Variants in EXT1 observed in about 807,000 individuals in gnomAD.
EXT1 encodes exostosin-1.
EXT1 carries 20 observed loss-of-function variants against 82.5 expected under a neutral mutation model. The observed-to-expected ratio is 0.24, with a 90% CI of 0.17 to 0.35. The LOEUF (loss-of-function observed/expected upper bound fraction) is 0.35. EXT1 is among the 10% of genes least tolerant of loss of function. EXT1 has a pLI of 1.00. For missense variants in EXT1, 757 were observed against 936.5 expected (o/e 0.81, Z 2.50); for synonymous variants, 348 against 350.8 (o/e 0.99, Z 0.09).
At chr8:117,996,155 C>G (rs920012461) in intron 1 of EXT1, among the ~76,000 whole-genome samples, 5 of 152,116 alleles carry the variant, frequency 3.3e-5, no homozygotes, top group African/African-American at 1.2e-4. Flanking sequence ...GACGCTCGCC[C>G]TTGGAACCCA....
At chr8:117,934,351 A>G (rs1814118631) in intron 1 of EXT1, among the ~76,000 whole-genome samples, 2 of 152,172 alleles carry the variant, frequency 1.3e-5, no homozygotes. Flanking sequence ...CTGGCTTTAT[A>G]AGAGAAGGGG....
In EXT1 at chr8:118,111,234, T is replaced by C; in HGVS notation, c.-188A>G. ...AGCGCATGTGGGCGATTTCTTTAAC[T>C]TTCTCCCCTTCGGTCTTTCATCTTT... On this transcript the variant is annotated 5_prime_UTR_variant, in exon 1 of 11. Coordinates refer to ENST00000378204, the MANE Select transcript of EXT1 (RefSeq NM_000127.3). The C allele has an allele frequency of 1.2e-6, 1 of 814,510 alleles. No homozygotes were observed. Among genetic ancestry groups the C allele is most frequent in the Non-Finnish European group, 2.0e-6 (1 of 506,766 alleles). The allele number at this position is 814,510 out of a possible 1,614,324, so 50.5% of individuals were successfully genotyped here. A position where few individuals can be genotyped will look rare whatever the true frequency, so the allele number is the denominator to read the frequency against.
intron 1 of EXT1, among the ~76,000 whole-genome samples, chr8:117,953,353 G>A (rs1300757216): frequency 6.6e-6 from 1 of 152,038 alleles, no homozygotes; most frequent in Non-Finnish European, 1.5e-5. Context: ...ACATCCTAAA[G>A]GCTGGGACCC....
chr8:117,801,651 G>A (rs1395768064), intron 10 of EXT1, among the ~76,000 whole-genome samples: 2 of 152,116 alleles, frequency 1.3e-5, no homozygotes, highest in African/African-American at 2.4e-5. Flanking sequence ...GATTACAGGT[G>A]CACACCACCA....
intron 1 of EXT1, among the ~76,000 whole-genome samples, chr8:117,917,527 T>C (rs1464170785): frequency 6.6e-6 from 1 of 152,186 alleles, no homozygotes; most frequent in Non-Finnish European, 1.5e-5. Context: ...CTTTAATATT[T>C]TCATTGATAA....
intron 1 of EXT1, among the ~76,000 whole-genome samples, chr8:117,851,654 TATTTA>T (rs1812458038): frequency 8.9e-6 from 1 of 112,380 alleles, no homozygotes; most frequent in African/African-American, 2.8e-5. Context: ...CACACACCAT[TATTTA>T]ATTTATTTAA....
chr8:118,011,539 CACTT>C (rs1342165481), intron 1 of EXT1, among the ~76,000 whole-genome samples: 1 of 152,136 alleles, frequency 6.6e-6, no homozygotes, highest in African/African-American at 2.4e-5. Flanking sequence ...ACATAATAGT[CACTT>C]AATTTCTAGG....
chr8:117,873,225 C>A lies in EXT1; in HGVS notation c.963-36024G>T, dbSNP rs1475426115. On this transcript the variant is annotated intron_variant, in intron 1 of 10. Coordinates refer to ENST00000378204, the MANE Select transcript of EXT1 (RefSeq NM_000127.3). ...CCTGGTCTCGGACTCTGAGTCTCCA[C>A]AACTGTGAAAAATAAATTTCTATTG... Among the ~76,000 whole-genome samples the A allele has an allele frequency of 2.0e-5, 3 of 152,130 alleles. 1 individual carries two copies. The highest frequency in any genetic ancestry group is 2.0e-4 in the Admixed American group (3 of 15,252).
At chr8:117,837,909 G>C (rs1429285113) in intron 1 of EXT1, among the ~76,000 whole-genome samples, 1 of 151,236 alleles carries the variant, frequency 6.6e-6, no homozygotes, top group East Asian at 1.9e-4. Context: ...GTCTACAGAA[G>C]AGATGAATTT....
At chr8:118,078,475 G>A (rs1364164674) in intron 1 of EXT1, among the ~76,000 whole-genome samples, 2 of 151,834 alleles carry the variant, frequency 1.3e-5, no homozygotes, top group Admixed American at 1.3e-4. Flanking sequence ...TGAGATTACA[G>A]GCATGAGCCA....
intron 1 of EXT1, among the ~76,000 whole-genome samples, chr8:118,011,938 C>T (rs1410050746): frequency 6.6e-6 from 1 of 152,108 alleles, no homozygotes; most frequent in Non-Finnish European, 1.5e-5. Context: ...ACAGAGAGCG[C>T]GAGAGAACAT....
intron 1 of EXT1, among the ~76,000 whole-genome samples, chr8:118,082,820 G>T (rs1488394458): frequency 2.0e-5 from 3 of 152,124 alleles, no homozygotes; most frequent in African/African-American, 7.2e-5. Context: ...AATCTCTGCT[G>T]GTCTTCTGGA....
chr8:117,804,833 T>C lies in EXT1; in HGVS notation c.1944A>G (p.Gln648=), dbSNP rs761914342. 4.3e-6 allele frequency: 7 copies of C among 1,614,062 alleles called. No individual in the cohort carries two copies. The highest frequency in any genetic ancestry group is 4.5e-5 in the East Asian group (2 of 44,868). ...LPASLKNMVD[Q]LANCEDILMN... ...TGAGAATGTCCTCACAATTGGCCAA[T>C]TGGTCCACCATGTTCTTCAGGCTGG... Residue 648 remains glutamine (Q), a synonymous_variant, in exon 10 of 11, where the codon CAA becomes CAG. Transcript: ENST00000378204.
rs1171922196 is a variant in EXT1, at chr8:117,812,856, A to T, written c.1722+16T>A. On this transcript the variant is annotated intron_variant, in intron 8 of 10. Coordinates refer to ENST00000378204, the MANE Select transcript of EXT1 (RefSeq NM_000127.3). ...CTGAACAGCCCACCTGCTGCTCCTC[A>T]GGCATGGGTTCTTACCTCTGTTGTT... is the stretch of plus-strand genomic sequence containing the variant. The T allele has an allele frequency of 6.2e-7, 1 of 1,612,326 alleles. No homozygotes were observed. Among genetic ancestry groups the T allele is most frequent in the East Asian group, 2.2e-5 (1 of 44,858 alleles).
chr8:117,997,455 T>G (rs917042282), intron 1 of EXT1, among the ~76,000 whole-genome samples: 9 of 151,974 alleles, frequency 5.9e-5, no homozygotes, highest in African/African-American at 2.2e-4. Flanking sequence ...TTATTTACAA[T>G]AAGTACATAA....
intron 1 of EXT1, among the ~76,000 whole-genome samples, chr8:117,974,008 G>T (rs577260711): frequency 7.3e-6 from 1 of 137,376 alleles, no homozygotes; most frequent in African/African-American, 2.7e-5. Context: ...TTTTGGACCA[G>T]TGTAGACCAG....
intron 1 of EXT1, among the ~76,000 whole-genome samples, chr8:117,881,652 CAA>C (rs1269122202): frequency 6.6e-6 from 1 of 152,152 alleles, no homozygotes; most frequent in Non-Finnish European, 1.5e-5. Context: ...CACATTTCTG[CAA>C]AGACTATATT....
intron 1 of EXT1, among the ~76,000 whole-genome samples, chr8:118,017,838 C>T (rs1816029787): frequency 6.6e-6 from 1 of 152,182 alleles, no homozygotes; most frequent in East Asian, 1.9e-4. Context: ...GCTTAAACCA[C>T]CTGATGTGGA....
chr8:118,084,567 G>A (rs1188859408), intron 1 of EXT1, among the ~76,000 whole-genome samples: 1 of 152,204 alleles, frequency 6.6e-6, no homozygotes. Context: ...AGGGTCACTT[G>A]TAAAACCTTC....
Sources: allele counts gnomAD v4.1 joint callset (sites outside exome capture counted in the v4.1 genomes callset), GRCh38; gene constraint gnomAD v4.1.1; transcripts MANE v1.5; gene names NCBI Gene and HGNC (gene_info 2026-07-23, HGNC 2026-07-21).